The following SCAP variants were observed in gnomAD, a reference collection of about 807,000 sequenced individuals.
The protein encoded by SCAP is sterol regulatory element-binding protein cleavage-activating protein.
SCAP carries 65 observed loss-of-function variants against 123.6 expected under a neutral mutation model. The ratio of observed to expected loss-of-function variants is 0.53; its 90% CI spans 0.43 to 0.65. SCAP has a LOEUF of 0.65. Ranked by LOEUF, SCAP falls within the 30% of genes least tolerant of loss-of-function variation. The pLI is 0.00. For synonymous variants in SCAP, 740 were observed against 726.3 expected, an observed-to-expected ratio of 1.02 and a Z score of -0.30; for missense variants, 1,398 against 1,712.5, an observed-to-expected ratio of 0.82 and a Z score of 3.24.
intron 1 of SCAP, among the ~76,000 whole-genome samples, chr3:47,472,460 A>AAGT (rs1553652298): frequency 6.9e-6 from 1 of 145,702 alleles, no homozygotes; most frequent in Non-Finnish European, 1.5e-5. Flanking sequence ...AAATAAAATA[A>AAGT]AATAATAATA....
In SCAP at chr3:47,419,623, C is replaced by T. The variant is rs759428603; in HGVS notation, c.1645G>A (p.Glu549Lys). 1 of 1,587,794 alleles carries T rather than the reference C, an allele frequency of 6.3e-7. No individual in the cohort carries two copies. Among genetic ancestry groups the T allele is most frequent in the South Asian group, 1.1e-5 (1 of 87,458 alleles). ...GCTCCCTCACCCAATGGGCTCTGTT[C>T]CGTCACCTGGGCAGCGAGGTAGTTG... ...LRNYLAAQVT[E>K]QSPLGEGALA... The change falls in exon 13 of 23, where the codon GAA (glutamate) becomes AAA (lysine). Residue 549 changes from glutamate to lysine, a missense_variant. Glu to Lys is a moderately conservative substitution (Grantham distance 56). This residue lies in a region of SCAP where 828 missense variants were observed against 882.5 expected (regional missense o/e 0.94). Coordinates refer to ENST00000265565, the MANE Select transcript of SCAP (RefSeq NM_012235.4). This position sits in a 1 kb window ranked among gnomAD's most constrained non-coding sequence, Gnocchi z 5.0.
chr3:47,417,541 G>A lies in SCAP; in HGVS notation c.2733C>T (p.Asp911=), dbSNP rs752932099. ...ACACCCGCTGCACCAGGCAGCTGAA[G>A]TCATAGCCTGGGGAGTCCCGAGAGC... ...CGRSRDSPGY[D]FSCLVQRVYQ... is the part of the protein sequence containing the mutation. Residue 911 remains aspartate (D), a synonymous_variant, in exon 17 of 23, where the codon GAC becomes GAT. Coordinates refer to ENST00000265565, the MANE Select transcript of SCAP (RefSeq NM_012235.4). The A allele has an allele frequency of 6.4e-6, 10 of 1,571,230 alleles. No individual in the cohort carries two copies. The highest frequency in any genetic ancestry group is 1.7e-4 in the Middle Eastern group (1 of 5,890).
intron 1 of SCAP, among the ~76,000 whole-genome samples, chr3:47,449,741 G>T (rs1319646627): frequency 8.1e-6 from 1 of 123,476 alleles, no homozygotes; most frequent in Non-Finnish European, 1.8e-5. Flanking sequence ...AATATTGTAT[G>T]GAGGAAAAAA....
In SCAP at chr3:47,427,230, C is replaced by G; in HGVS notation, c.664G>C (p.Gly222Arg). The change falls in exon 6 of 23, where the codon GGG (glycine) becomes CGG (arginine). Residue 222 changes from glycine to arginine, a missense_variant. Physicochemically the swap from Gly to Arg is moderately radical, Grantham distance 125. Around this residue, in one of 7 missense-constraint regions of SCAP, gnomAD observed 319 missense variants for 432.4 expected, o/e 0.74. Coordinates refer to ENST00000265565, the MANE Select transcript of SCAP (RefSeq NM_012235.4). The stretch of plus-strand genomic sequence containing the variant: ...CTCTTCCTGGTGTAGAGGCTCACCC[C>G]GCTGTACTTCCCAGGAACACCAAAT... ...LLFGVPGKYS[G>R]VSLYTRKRMV... The G allele has an allele frequency of 6.2e-7, 1 of 1,613,650 alleles. No homozygotes were observed. The highest frequency in any genetic ancestry group is 8.5e-7 in the Non-Finnish European group (1 of 1,179,884).
At chr3:47,472,952 T>C (rs1708087915) in intron 1 of SCAP, among the ~76,000 whole-genome samples, 1 of 151,596 alleles carries the variant, frequency 6.6e-6, no homozygotes, top group Non-Finnish European at 1.5e-5. Flanking sequence ...TGGTAGTGCA[T>C]GCCTGTAATC....
At chr3:47,474,643 A>C (rs1022384174) in intron 1 of SCAP, among the ~76,000 whole-genome samples, 1 of 151,946 alleles carries the variant, frequency 6.6e-6, no homozygotes, top group African/African-American at 2.4e-5. Flanking sequence ...AAAAAAATAC[A>C]AAAATTAGCC....
intron 1 of SCAP, among the ~76,000 whole-genome samples, chr3:47,455,755 G>C (rs765459142): frequency 2.6e-5 from 4 of 152,246 alleles, no homozygotes; most frequent in Non-Finnish European, 5.9e-5. Context: ...ATCTAGAAAT[G>C]TAACAGTCCC....
intron 1 of SCAP, 185 bp from the exon 2 acceptor site, chr3:47,443,276 A>ACT (rs67862138): frequency 1.5e-4 from 11 of 72,222 alleles, no homozygotes; most frequent in African/African-American, 7.9e-4. Context: ...ACACACACAC[A>ACT]CTCTCTCTCT....
intron 1 of SCAP, among the ~76,000 whole-genome samples, chr3:47,466,986 G>T (rs897110880): frequency 2.0e-5 from 3 of 151,978 alleles, no homozygotes; most frequent in Non-Finnish European, 4.4e-5. Context: ...TCAGCTACTT[G>T]AGAGGCTGAG....
chr3:47,457,986 A>C (rs1707490462), intron 1 of SCAP, among the ~76,000 whole-genome samples: 1 of 151,098 alleles, frequency 6.6e-6, no homozygotes, highest in Non-Finnish European at 1.5e-5. Flanking sequence ...CAGCAGATCA[A>C]GTTAATAGTA....
rs759975187 is a variant in SCAP, at chr3:47,418,825, G to C, written c.1959C>G (p.Pro653=). The C allele has an allele frequency of 6.6e-7, 1 of 1,526,544 alleles. No individual in the cohort carries two copies. The highest frequency in any genetic ancestry group is 1.8e-4 in the Middle Eastern group (1 of 5,652). 94.6% of individuals were successfully genotyped at this position (1,526,544 alleles called of 1,614,324 possible). The change falls in exon 14 of 23, where the codon CCC becomes CCG. Residue 653 remains proline (P), a synonymous_variant. Transcript: ENST00000265565. ...TCAGGCGGAGCGTGACTGGGATGAC[G>C]GGCAGCAGGCTGATGTACCTGGATT... is the stretch of plus-strand genomic sequence containing the variant. ...TLAKRYISLL[P]VIPVTLRLNP...
rs756560969 is a variant in SCAP, at chr3:47,419,685, A to G, written c.1583T>C (p.Ile528Thr). Reference protein sequence around the residue: ...RLIMAGTVVWIGILVYTDPAG... With the variant: ...RLIMAGTVVWTGILVYTDPAG... ...TGGGTCTGTGTATACCAGGATGCCA[A>G]TCCAGACAACGGTGCCAGCCTGCAG... Residue 528 changes from isoleucine to threonine, a missense_variant, in exon 13 of 23, where the codon ATT becomes ACT. Physicochemically the swap from Ile to Thr is moderately conservative, Grantham distance 89. This residue lies in a region of SCAP where 828 missense variants were observed against 882.5 expected (regional missense o/e 0.94). Coordinates refer to ENST00000265565, the MANE Select transcript of SCAP (RefSeq NM_012235.4). This position sits in a 1 kb window ranked among gnomAD's most constrained non-coding sequence, Gnocchi z 5.0. 2 of 1,523,150 alleles carry G rather than the reference A, an allele frequency of 1.3e-6. No homozygotes were observed. The highest frequency in any genetic ancestry group is 1.8e-6 in the Non-Finnish European group (2 of 1,135,004). The allele number at this position is 1,523,150 out of a possible 1,614,324, so 94.4% of individuals were successfully genotyped here.
Position 47,417,957 on chromosome 3 carries a change from C to T in SCAP, c.2448-131G>A, listed in dbSNP as rs1368881594. The T allele has an allele frequency of 5.7e-5, 16 of 280,622 alleles. No individual in the cohort carries two copies. The East Asian group carries it at 8.0e-4, about 14-fold the overall frequency. The allele number at this position is 280,622 out of a possible 1,614,324, so 17.4% of individuals were successfully genotyped here. On this transcript the variant is annotated intron_variant, in intron 16 of 22. Transcript: ENST00000265565. ...AAGGGGGTGGGGGGAGAGGGTGGTG[C>T]GGGGTGGGGAGAGGGGGGTACGGGG...
rs1490948306 is a variant in SCAP, at chr3:47,413,729, TTAA to T, written c.*122_*124del. 8.3e-6 allele frequency: 11 copies of T among 1,319,858 alleles called. No individual in the cohort carries two copies. Among genetic ancestry groups the T allele is most frequent in the African/African-American group, 4.4e-5 (3 of 67,836 alleles). 81.8% of individuals were successfully genotyped at this position (1,319,858 alleles called of 1,614,324 possible). Reference sequence around the variant, plus strand: ...TGATGATATGGTTTTTTAAAAAAGTTTAATATTATTACAGTCAGGAGGCAGCGG... The same window carrying T: ...TGATGATATGGTTTTTTAAAAAAGTTTATTATTACAGTCAGGAGGCAGCGG... On this transcript the variant is annotated 3_prime_UTR_variant, in exon 23 of 23. Coordinates refer to ENST00000265565, the MANE Select transcript of SCAP (RefSeq NM_012235.4).
chr3:47,440,908 CTTT>C (rs1001394465), intron 2 of SCAP, among the ~76,000 whole-genome samples: 1 of 144,906 alleles, frequency 6.9e-6, no homozygotes, highest in Non-Finnish European at 1.5e-5. Context: ...CTTTCCTCCT[CTTT>C]TTTTTTTTTG....
At chr3:47,461,997 G>C (rs1447237582) in intron 1 of SCAP, among the ~76,000 whole-genome samples, 1 of 152,054 alleles carries the variant, frequency 6.6e-6, no homozygotes, top group Non-Finnish European at 1.5e-5. Flanking sequence ...TCACACTGCT[G>C]TACTCCAGCC....
At chr3:47,466,376 C>G (rs993938809) in intron 1 of SCAP, among the ~76,000 whole-genome samples, 3 of 152,070 alleles carry the variant, frequency 2.0e-5, no homozygotes, top group Non-Finnish European at 4.4e-5. Flanking sequence ...AGTATGATAC[C>G]TGGGTGTTTC....
intron 1 of SCAP, among the ~76,000 whole-genome samples, chr3:47,468,560 G>A (rs1707918686): frequency 6.6e-6 from 1 of 152,270 alleles, no homozygotes; most frequent in South Asian, 2.1e-4. Context: ...CTTTTTGATA[G>A]GGTTGTTTGA....
intron 1 of SCAP, among the ~76,000 whole-genome samples, chr3:47,463,371 T>C (rs933161635): frequency 3.3e-5 from 5 of 152,130 alleles, no homozygotes; most frequent in Non-Finnish European, 5.9e-5. Flanking sequence ...TAAATCTTTC[T>C]AAAGCACAAA....
Sources: allele counts gnomAD v4.1 joint callset (sites outside exome capture counted in the v4.1 genomes callset), GRCh38; gene constraint gnomAD v4.1.1; regional missense constraint gnomAD v4.1.1; non-coding constraint Gnocchi (gnomAD v3.1); transcripts MANE v1.5; gene names NCBI Gene and HGNC (gene_info 2026-07-23, HGNC 2026-07-21).